ZNF709: variants seen among roughly 807,000 people sequenced by gnomAD.
The protein encoded by ZNF709 is zinc finger protein 709.
In ZNF709, 15 loss-of-function variants were observed where a neutral mutation model predicts 10.6. The observed-to-expected ratio is 1.41, with a 90% CI of 0.95 to 2.18. ZNF709 has a LOEUF of 2.18. Ranked by LOEUF, ZNF709 falls within the 30% of genes most tolerant of loss-of-function variation. The pLI, the probability that ZNF709 is intolerant of heterozygous loss-of-function variation, is 0.00. For missense variants in ZNF709, 589 were observed against 774.0 expected (o/e 0.76, Z 2.84); for synonymous variants, 194 against 238.8 (o/e 0.81, Z 1.73).
chr19:12,471,584 C>T (rs1479447577), intron 1 of ZNF709, among the ~76,000 whole-genome samples: 1 of 152,064 alleles, frequency 6.6e-6, no homozygotes, highest in East Asian at 1.9e-4. Flanking sequence ...ACTATTAACA[C>T]TCCAAACAGC....
At chr19:12,474,034 C>A (rs1040047596) in intron 1 of ZNF709, among the ~76,000 whole-genome samples, 1 of 152,094 alleles carries the variant, frequency 6.6e-6, no homozygotes, top group East Asian at 1.9e-4. Context: ...TAATGGGGCA[C>A]GATCCCATCT....
At chr19:12,476,047 C>T (rs1970675482) in intron 1 of ZNF709, among the ~76,000 whole-genome samples, 1 of 152,102 alleles carries the variant, frequency 6.6e-6, no homozygotes, top group Non-Finnish European at 1.5e-5. Context: ...AATCTAGAAA[C>T]AGACGTTACA....
At chr19:12,468,863 CAG>C (rs934247191) in intron 1 of ZNF709, among the ~76,000 whole-genome samples, 8 of 150,960 alleles carry the variant, frequency 5.3e-5, no homozygotes, top group African/African-American at 2.0e-4. Context: ...TTTTTTGAGA[CAG>C]AGTCTTGCTC....
At chr19:12,477,138 CA>C (rs796759917) in intron 1 of ZNF709, among the ~76,000 whole-genome samples, 7 of 152,204 alleles carry the variant, frequency 4.6e-5, no homozygotes, top group Admixed American at 2.6e-4. Context: ...TGGGTGGGAC[CA>C]CAGCATTAAG....
rs1970530761 is a variant in ZNF709 at position 12,463,112 on chromosome 19, C to G, written c.*884G>C. ...CCATATTATCTACATTTATACAGTA[C>G]CTCCCTAGTGGGAGTTTCAACATGA... On this transcript the variant is annotated 3_prime_UTR_variant, in exon 4 of 4. Transcript: ENST00000397732. 1.3e-5 allele frequency: 2 copies of G among 152,186 alleles called. No individual in the cohort carries two copies. Among genetic ancestry groups the G allele is most frequent in the African/African-American group, 4.8e-5 (2 of 41,436 alleles). The allele number at this position is 152,186 out of a possible 1,614,324, so 9.4% of individuals were successfully genotyped here. A position where few individuals can be genotyped will look rare whatever the true frequency, so the allele number is the denominator to read the frequency against.
At chr19:12,467,286 C>T (rs554170525) in intron 1 of ZNF709, among the ~76,000 whole-genome samples, 18 of 152,310 alleles carry the variant, frequency 1.2e-4, no homozygotes, top group South Asian at 2.1e-4. Context: ...TGCAGGCGCG[C>T]GCGCCGCCAC....
At chr19:12,484,071 G>A (rs1043981789) in intron 1 of ZNF709, among the ~76,000 whole-genome samples, 2 of 152,196 alleles carry the variant, frequency 1.3e-5, no homozygotes, top group Non-Finnish European at 2.9e-5. Context: ...GTACAAAAAG[G>A]ATAATTAAAA....
At chr19:12,482,667 T>C (rs1405454534) in intron 1 of ZNF709, among the ~76,000 whole-genome samples, 1 of 152,166 alleles carries the variant, frequency 6.6e-6, no homozygotes, top group Non-Finnish European at 1.5e-5. Flanking sequence ...ACCACAATTA[T>C]GCCCTCAGGA....
At chr19:12,477,366 G>T (rs996881755) in intron 1 of ZNF709, among the ~76,000 whole-genome samples, 1 of 152,162 alleles carries the variant, frequency 6.6e-6, no homozygotes, top group Non-Finnish European at 1.5e-5. Context: ...ATTCTGTCAA[G>T]CCAGTTTGTA....
In ZNF709 at chr19:12,465,658, A is replaced by C; in HGVS notation, c.264T>G (p.Asn88Lys). 1.2e-6 allele frequency: 2 copies of C among 1,612,856 alleles called. No individual in the cohort carries two copies. The highest frequency in any genetic ancestry group is 1.7e-6 in the Non-Finnish European group (2 of 1,179,716). Residue 88 changes from asparagine (N) to lysine (K), a missense_variant, in exon 4 of 4, where the codon AAT becomes AAG. Physicochemically the swap from Asn to Lys is moderately conservative, Grantham distance 94 (BLOSUM62 0). This residue lies in a region of ZNF709 where 418 missense variants were observed against 496.3 expected (regional missense o/e 0.84). Transcript: ENST00000397732. ...QFGETISQTP[N>K]PKPNKKTFTR... is the part of the protein sequence containing the mutation. ...TAAAAGTTTTCTTGTTTGGTTTAGG[A>C]TTTGGAGTCTGACTGATGGTTTCTC...
chr19:12,470,871 G>A (rs1222718443), intron 1 of ZNF709, among the ~76,000 whole-genome samples: 3 of 149,986 alleles, frequency 2.0e-5, no homozygotes, highest in African/African-American at 7.4e-5. Flanking sequence ...AGCTTGCAGT[G>A]AGCCAAGATC....
At chr19:12,484,443 G>T (rs1168702750) in intron 1 of ZNF709, among the ~76,000 whole-genome samples, 1 of 152,202 alleles carries the variant, frequency 6.6e-6, no homozygotes, top group African/African-American at 2.4e-5. Flanking sequence ...CAGTCGCCGC[G>T]CAGGGACTTG....
intron 1 of ZNF709, among the ~76,000 whole-genome samples, chr19:12,467,272 C>T (rs536838542): frequency 1.9e-4 from 29 of 152,312 alleles, no homozygotes; most frequent in East Asian, 1.2e-3. Flanking sequence ...CGAGTGCCTG[C>T]GATTGCAGGC....
chr19:12,465,437 T>G lies in ZNF709; in HGVS notation c.485A>C (p.His162Pro), dbSNP rs747167268. 3 of 1,613,086 alleles carry G rather than the reference T, an allele frequency of 1.9e-6. No homozygotes were observed. Among genetic ancestry groups the G allele is most frequent in the Non-Finnish European group, 2.5e-6 (3 of 1,179,608 alleles). The change falls in exon 4 of 4, where the codon CAC becomes CCC. Residue 162 changes from histidine to proline, a missense_variant. Around this residue, in one of 2 missense-constraint regions of ZNF709, gnomAD observed 418 missense variants for 496.3 expected, o/e 0.84. Transcript: ENST00000397732. ...RSSFRIHERT[H>P]TGEKPYKCKQ... Reference sequence around the variant, plus strand: ...ACATTTATAGGGTTTCTCTCCAGTGTGAGTTCTTTCATGTATTCGAAATGA... The same window carrying G: ...ACATTTATAGGGTTTCTCTCCAGTGGGAGTTCTTTCATGTATTCGAAATGA...
chr19:12,483,309 T>TA (rs1284407249), intron 1 of ZNF709, among the ~76,000 whole-genome samples: 1 of 87,242 alleles, frequency 1.1e-5, no homozygotes, highest in Admixed American at 1.0e-4. Context: ...CCCAGCTAAT[T>TA]TTTTTTTTTT....
intron 1 of ZNF709, 68 bp from the exon 2 acceptor site, chr19:12,466,918 C>T (rs543226389): frequency 7.9e-6 from 12 of 1,522,254 alleles, no homozygotes; most frequent in Non-Finnish European, 1.1e-5. Context: ...AAACTCAGTT[C>T]ATTAAAAGTT....
At position 12,464,511 on chromosome 19, in the gene ZNF709, T is replaced by G; in HGVS notation, c.1411A>C (p.Thr471Pro). 1 of 1,613,336 alleles carries G rather than the reference T, an allele frequency of 6.2e-7. No individual in the cohort carries two copies. The highest frequency in any genetic ancestry group is 2.2e-5 in the East Asian group (1 of 44,866). Residue 471 changes from threonine to proline, a missense_variant, in exon 4 of 4, where the codon ACT (threonine) becomes CCT (proline). Thr to Pro is a conservative substitution (Grantham distance 38). Around this residue, in one of 2 missense-constraint regions of ZNF709, gnomAD observed 171 missense variants for 277.7 expected, o/e 0.62. Transcript: ENST00000397732. ...SSFRMHERIH[T>P]GEKPYECKQC... is the part of the protein sequence containing the mutation. ...TTACATTCATAGGGTTTCTCTCCAGTGTGAATTCTTTCATGCATTCGAAAG... is the reference window on the plus strand; with the variant it reads ...TTACATTCATAGGGTTTCTCTCCAGGGTGAATTCTTTCATGCATTCGAAAG...
intron 1 of ZNF709, among the ~76,000 whole-genome samples, chr19:12,477,271 T>C (rs1424098304): frequency 6.6e-6 from 1 of 152,172 alleles, no homozygotes; most frequent in Non-Finnish European, 1.5e-5. Context: ...TTTTACATAA[T>C]ACTTTTCAAC....
rs1316883476 is a variant in ZNF709 at position 12,461,918 on chromosome 19, A to C, written c.*2078T>G. On this transcript the variant is annotated 3_prime_UTR_variant, in exon 4 of 4. Coordinates refer to ENST00000397732, the MANE Select transcript of ZNF709 (RefSeq NM_152601.4). ...CCCTGTCTCTACTAAAAATACAAAA[A>C]AAATTTAGCTGGGCTTGGTGGTGGG... is the stretch of plus-strand genomic sequence containing the variant. 1 of 152,108 alleles carries C rather than the reference A, an allele frequency of 6.6e-6. No homozygotes were observed. The highest frequency in any genetic ancestry group is 1.5e-5 in the Non-Finnish European group (1 of 68,058). 9.4% of individuals were successfully genotyped at this position (152,108 alleles called of 1,614,324 possible). A position where few individuals can be genotyped will look rare whatever the true frequency, so the allele number is the denominator to read the frequency against.
Sources: gnomAD v4.1 joint callset for allele counts (sites outside exome capture counted in the v4.1 genomes callset) on GRCh38, gnomAD v4.1.1 for gene constraint, gnomAD v4.1.1 regional missense constraint, MANE v1.5 for transcripts, NCBI Gene and HGNC (gene_info 2026-07-23, HGNC 2026-07-21) for gene names.